Variants in PCDH11X observed in about 807,000 individuals in gnomAD.
PCDH11X encodes the protein protocadherin 11 X-linked, also known as protocadherin-11 X-linked.
In PCDH11X, 18 loss-of-function variants were observed where a neutral mutation model predicts 53.3. The observed-to-expected ratio is 0.34, with a 90% CI of 0.23 to 0.50. PCDH11X has a LOEUF of 0.50. Ranked by LOEUF, PCDH11X falls within the 20% of genes least tolerant of loss-of-function variation. PCDH11X has a pLI of 0.98. For missense variants in PCDH11X, 570 were observed against 1,032.4 expected, an observed-to-expected ratio of 0.55 and a Z score of 6.14; for synonymous variants, 279 against 393.3, an observed-to-expected ratio of 0.71 and a Z score of 3.44.
chrX:91,970,590 C>A (rs761267183), intron 6 of PCDH11X, among the ~76,000 whole-genome samples: 1 of 111,254 alleles, frequency 9.0e-6, no homozygotes, highest in East Asian at 2.8e-4. Context: ...CCCAGAAGCC[C>A]AGCCACTTCA....
chrX:92,042,541 T>A (rs897645447), intron 6 of PCDH11X, among the ~76,000 whole-genome samples: 2 of 105,381 alleles, frequency 1.9e-5, no homozygotes, highest in African/African-American at 7.0e-5. Flanking sequence ...TTTCTCTCAA[T>A]GAACTACATT....
chrX:92,446,110 T>G lies in PCDH11X; in HGVS notation c.3344-22189T>G, dbSNP rs1476346119. Among the ~76,000 whole-genome samples the G allele has an allele frequency of 4.6e-5, 5 of 107,821 alleles. No individual in the cohort carries two copies. In the East Asian group the frequency reaches 1.5e-3, roughly 31 times the overall value. 93.6% of individuals were successfully genotyped at this position (107,821 alleles called of 115,157 possible). A position where few individuals can be genotyped will look rare whatever the true frequency, so the allele number is the denominator to read the frequency against. The stretch of plus-strand genomic sequence containing the variant: ...TATTATTACTTAATAACACCTACAT[T>G]TTAATCTTAGAAATTCTTCTTCAAG... On this transcript the variant is annotated intron_variant, in intron 9 of 10. Transcript: ENST00000682573.
chrX:91,849,367 A>G (rs1318164939), intron 5 of PCDH11X, among the ~76,000 whole-genome samples: 1 of 110,278 alleles, frequency 9.1e-6, no homozygotes, highest in Admixed American at 9.7e-5. Context: ...TATTGTACAG[A>G]TTAATTCATC....
chrX:92,527,604 A>G (rs1362912620), intron 10 of PCDH11X, among the ~76,000 whole-genome samples: 2 of 111,070 alleles, frequency 1.8e-5, no homozygotes, highest in East Asian at 2.8e-4. Flanking sequence ...CTTATTTACT[A>G]TAATAAGCTA....
chrX:92,390,284 C>T (rs1226403765), intron 9 of PCDH11X, among the ~76,000 whole-genome samples: 1 of 109,494 alleles, frequency 9.1e-6, no homozygotes, highest in Non-Finnish European at 1.9e-5. Context: ...AGAGACCTTA[C>T]TAAAAGTGCA....
At chrX:92,388,420 C>T (rs1271668277) in intron 9 of PCDH11X, among the ~76,000 whole-genome samples, 1 of 106,787 alleles carries the variant, frequency 9.4e-6, no homozygotes, top group African/African-American at 3.4e-5. Flanking sequence ...ACTGAAATCA[C>T]ACACCTGTGC....
At chrX:92,181,813 G>A (rs898977679) in intron 6 of PCDH11X, among the ~76,000 whole-genome samples, 8 of 112,803 alleles carry the variant, frequency 7.1e-5, no homozygotes, top group African/African-American at 2.6e-4. Context: ...CTAGGTTTCA[G>A]AGGATGTATG....
intron 6 of PCDH11X, among the ~76,000 whole-genome samples, chrX:92,156,727 G>A (rs1299001579): frequency 2.7e-5 from 3 of 111,711 alleles, no homozygotes; most frequent in African/African-American, 9.8e-5. Context: ...ATCCATTCCA[G>A]TAGGAATTTC....
At chrX:92,581,513 C>T (rs1204227270) in intron 10 of PCDH11X, among the ~76,000 whole-genome samples, 1 of 112,013 alleles carries the variant, frequency 8.9e-6, no homozygotes, top group Non-Finnish European at 1.9e-5. Context: ...TAAAACATGC[C>T]TTTTGCTTCC....
chrX:91,915,122 G>A (rs1207183887), intron 6 of PCDH11X, among the ~76,000 whole-genome samples: 1 of 103,424 alleles, frequency 9.7e-6, no homozygotes, highest in African/African-American at 3.5e-5. Flanking sequence ...AAGGAGAAAT[G>A]AAGTTGTTTT....
chrX:92,509,876 G>T (rs886836071), intron 10 of PCDH11X, among the ~76,000 whole-genome samples: 1 of 111,582 alleles, frequency 9.0e-6, no homozygotes, highest in Non-Finnish European at 1.9e-5. Flanking sequence ...GAGATAGCTT[G>T]TTAATTTTCC....
chrX:91,889,887 A>G (rs1456635556), intron 6 of PCDH11X, among the ~76,000 whole-genome samples: 1 of 111,922 alleles, frequency 8.9e-6, no homozygotes, highest in Non-Finnish European at 1.9e-5. Flanking sequence ...ATCTGAATCT[A>G]GAATAACTGA....
At chrX:91,828,631 G>C (rs185411636) in intron 4 of PCDH11X, among the ~76,000 whole-genome samples, 8 of 111,571 alleles carry the variant, frequency 7.2e-5, no homozygotes, top group Non-Finnish European at 1.5e-4. Flanking sequence ...CCTTTAGGCT[G>C]AGGCATCTGT....
intron 10 of PCDH11X, among the ~76,000 whole-genome samples, chrX:92,516,871 T>C (rs1229769666): frequency 1.8e-5 from 2 of 112,690 alleles, no homozygotes; most frequent in East Asian, 5.6e-4. Flanking sequence ...ATTTGGCATC[T>C]GCCATCTTCA....
intron 8 of PCDH11X, among the ~76,000 whole-genome samples, chrX:92,301,734 C>CTTTTTTTTTTTTTTTTTTTTT: frequency 9.1e-6 from 1 of 109,761 alleles, no homozygotes; most frequent in African/African-American, 3.4e-5. Flanking sequence ...GCTTCCTTTT[C>CTTTTTTTTTTTTTTTTTTTTT]TTGTGTTGTC....
chrX:91,936,910 AAT>A (rs1163467438), intron 6 of PCDH11X, among the ~76,000 whole-genome samples: 9 of 107,041 alleles, frequency 8.4e-5, no homozygotes, highest in Non-Finnish European at 1.7e-4. Context: ...AATAATTTTA[AAT>A]ATATGTTATT....
At chrX:92,496,700 A>C (rs2073865933) in intron 10 of PCDH11X, among the ~76,000 whole-genome samples, 1 of 108,439 alleles carries the variant, frequency 9.2e-6, no homozygotes, top group African/African-American at 3.6e-5. Context: ...CCAGATATGT[A>C]AACATACTGC....
chrX:91,983,622 T>A, intron 6 of PCDH11X: 2 of 366,618 alleles, frequency 5.5e-6, no homozygotes, highest in Non-Finnish European at 9.8e-6. Context: ...TTTAAAACCA[T>A]CAGATCTCGG....
chrX:92,613,125 A>G (rs1927557113), intron 10 of PCDH11X, among the ~76,000 whole-genome samples: 1 of 109,395 alleles, frequency 9.1e-6, no homozygotes, highest in Non-Finnish European at 1.9e-5. Context: ...TTGATATCTG[A>G]GGTTTTAATC....
Sources: allele counts gnomAD v4.1 joint callset (sites outside exome capture counted in the v4.1 genomes callset), GRCh38; gene constraint gnomAD v4.1.1; transcripts MANE v1.5; gene names NCBI Gene and HGNC (gene_info 2026-07-23, HGNC 2026-07-21).